Variants in MICU3 observed in about 807,000 individuals in gnomAD.
MICU3 encodes the protein mitochondrial calcium uptake 3.
In MICU3, 62 loss-of-function variants were observed where a neutral mutation model predicts 66.5. That is an observed-to-expected ratio of 0.93 (90% CI 0.76 to 1.15). The LOEUF (loss-of-function observed/expected upper bound fraction) is 1.15, where lower values mean the gene tolerates loss of function less well. Among genes scored for constraint, MICU3 ranks in the 50% most tolerant of loss-of-function variants. The pLI, the probability that MICU3 is intolerant of heterozygous loss-of-function variation, is 0.00. For missense variants in MICU3, 779 were observed against 664.4 expected, an observed-to-expected ratio of 1.17 and a Z score of -1.90; for synonymous variants, 308 against 240.7, an observed-to-expected ratio of 1.28 and a Z score of -2.59.
chr8:17,065,103 T>G (rs536335916), intron 2 of MICU3, among the ~76,000 whole-genome samples: 1 of 152,268 alleles, frequency 6.6e-6, no homozygotes, highest in East Asian at 1.9e-4. Flanking sequence ...TTTTAAAAAA[T>G]AATTCATTTC....
chr8:17,117,505 T>A (rs1201634976), intron 13 of MICU3, among the ~76,000 whole-genome samples: 1 of 152,102 alleles, frequency 6.6e-6, no homozygotes, highest in Non-Finnish European at 1.5e-5. Context: ...TCTAACATAT[T>A]ATGGATGTGC....
intron 1 of MICU3, among the ~76,000 whole-genome samples, chr8:17,060,240 A>G (rs1234385858): frequency 6.6e-6 from 1 of 152,000 alleles, no homozygotes; most frequent in Non-Finnish European, 1.5e-5. Flanking sequence ...GTTGATAATA[A>G]GTAGACTATT....
At chr8:17,053,410 G>A (rs1020655595) in intron 1 of MICU3, among the ~76,000 whole-genome samples, 1 of 152,090 alleles carries the variant, frequency 6.6e-6, no homozygotes, top group Non-Finnish European at 1.5e-5. Flanking sequence ...CTGTGCCTTG[G>A]CAATGAACCT....
intron 11 of MICU3, among the ~76,000 whole-genome samples, chr8:17,107,478 A>G (rs1396010736): frequency 2.6e-5 from 4 of 152,170 alleles, no homozygotes; most frequent in African/African-American, 9.7e-5. Flanking sequence ...CAAATCTTTT[A>G]AGACTCTGTA....
At position 17,064,168 on chromosome 8, in the gene MICU3, G is replaced by T; in HGVS notation, c.466G>T (p.Glu156Ter). Residue 156 changes from glutamate (E) to a stop codon, truncating the protein, a stop_gained, in exon 2 of 15, where the codon GAA becomes TAA. Coordinates refer to ENST00000318063, the MANE Select transcript of MICU3 (RefSeq NM_181723.3). LOFTEE classifies it high-confidence loss of function. ...ERRFRLFASI[E>*]CEGQLFMTPY... is the part of the protein sequence containing the mutation. ...GCGATTTCGTTTATTTGCTTCTATA[G>T]AATGTGAAGGGCAGTTATTCATGAC... 2 of 1,613,228 alleles carry T rather than the reference G, an allele frequency of 1.2e-6. No homozygotes were observed. The highest frequency in any genetic ancestry group is 1.7e-6 in the Non-Finnish European group (2 of 1,179,414).
chr8:17,084,460 G>C (rs902008414), intron 5 of MICU3, among the ~76,000 whole-genome samples: 2 of 151,744 alleles, frequency 1.3e-5, no homozygotes, highest in Admixed American at 6.6e-5. Flanking sequence ...ATGTATCTGT[G>C]GGGGGTCCCT....
intron 1 of MICU3, among the ~76,000 whole-genome samples, chr8:17,044,347 T>C (rs1047217840): frequency 3.3e-5 from 5 of 152,220 alleles, no homozygotes; most frequent in Admixed American, 3.3e-4. Flanking sequence ...TGATAGGTTT[T>C]ACTCAGGAAG....
chr8:17,119,339 C>A (rs1284861301), intron 14 of MICU3, among the ~76,000 whole-genome samples: 1 of 151,984 alleles, frequency 6.6e-6, no homozygotes, highest in Non-Finnish European at 1.5e-5. Context: ...ATGTGTCAAA[C>A]TTGTTTCTAA....
chr8:17,118,837 C>G (rs1802946337), intron 14 of MICU3, 62 bp downstream of exon 14: 2 of 991,508 alleles, frequency 2.0e-6, no homozygotes, highest in Non-Finnish European at 3.1e-6. Context: ...ATTTATTTTT[C>G]TGTTATAACA....
At chr8:17,065,211 G>A (rs1248176847) in intron 2 of MICU3, among the ~76,000 whole-genome samples, 1 of 151,962 alleles carries the variant, frequency 6.6e-6, no homozygotes, top group Admixed American at 6.6e-5. Flanking sequence ...CTTTAACTTA[G>A]ACTAGAACAA....
the MICU3 span, chr8:17,132,844 T>C: frequency 6.6e-6 from 1 of 152,196 alleles, no homozygotes; most frequent in African/African-American, 2.4e-5. Context: ...TGAAATCTAA[T>C]CACAAACGTA....
At chr8:17,104,237 A>C (rs1160726327) in intron 9 of MICU3, among the ~76,000 whole-genome samples, 154 bp from the exon 10 acceptor site, 2 of 151,900 alleles carry the variant, frequency 1.3e-5, no homozygotes, top group African/African-American at 4.8e-5. Flanking sequence ...CTATAATTGC[A>C]TGTATTAATA....
intron 7 of MICU3, 105 bp from the exon 8 acceptor site, chr8:17,090,441 C>T: frequency 4.6e-6 from 4 of 867,280 alleles, no homozygotes; most frequent in East Asian, 5.1e-5. Context: ...AATGATTTGC[C>T]CTTCCTAATT....
intron 1 of MICU3, among the ~76,000 whole-genome samples, chr8:17,062,923 T>A (rs1188243829): frequency 6.6e-6 from 1 of 152,054 alleles, no homozygotes; most frequent in African/African-American, 2.4e-5. Flanking sequence ...TATGGATATT[T>A]CTGAATATTT....
At chr8:17,055,146 C>T (rs17488918) in intron 1 of MICU3, among the ~76,000 whole-genome samples, 71,749 of 151,998 alleles carry the variant, frequency 0.47, 20,551 homozygotes, top group African/African-American at 0.8. Context: ...GCAAATAACA[C>T]TAAATATCAA....
chr8:17,080,333 C>G (rs933295088), intron 4 of MICU3, among the ~76,000 whole-genome samples: 5 of 152,058 alleles, frequency 3.3e-5, no homozygotes, highest in African/African-American at 1.2e-4. Context: ...TATTCATGGT[C>G]TGGACACTCA....
the MICU3 span, chr8:17,131,429 A>T: frequency 6.6e-6 from 1 of 152,124 alleles, no homozygotes; most frequent in African/African-American, 2.4e-5. Flanking sequence ...GGAGTCTTAA[A>T]TCATCAGAGT....
At chr8:17,072,483 C>A (rs1819742210) in intron 3 of MICU3, among the ~76,000 whole-genome samples, 1 of 149,300 alleles carries the variant, frequency 6.7e-6, no homozygotes. Context: ...AGACACAAAG[C>A]AAAACTCAAA....
At chr8:17,110,416 C>A (rs2150824238) in intron 11 of MICU3, among the ~76,000 whole-genome samples, 1 of 152,188 alleles carries the variant, frequency 6.6e-6, no homozygotes, top group South Asian at 2.1e-4. Flanking sequence ...GCAGTCCCTT[C>A]CCGTTTCCTT....
Sources: gnomAD v4.1 joint callset for allele counts (sites outside exome capture counted in the v4.1 genomes callset) on GRCh38, gnomAD v4.1.1 for gene constraint, MANE v1.5 for transcripts, NCBI Gene and HGNC (gene_info 2026-07-23, HGNC 2026-07-21) for gene names.